Variants in EXTL3 observed in about 807,000 individuals in gnomAD.
EXTL3 encodes the protein exostosin-like 3.
EXTL3 carries 27 observed loss-of-function variants against 69.3 expected under a neutral mutation model. The observed-to-expected ratio is 0.39, with a 90% CI of 0.29 to 0.54. EXTL3 has a LOEUF of 0.54. Among genes scored for constraint, EXTL3 ranks in the 20% least tolerant of loss-of-function variants. EXTL3 has a pLI of 0.69. For missense variants in EXTL3, 1,003 were observed against 1,231.8 expected (o/e 0.81, Z 2.78); for synonymous variants, 511 against 499.4 (o/e 1.02, Z -0.31).
chr8:28,735,564 C>G (rs1034975717), intron 4 of EXTL3, among the ~76,000 whole-genome samples: 1 of 152,190 alleles, frequency 6.6e-6, no homozygotes, highest in Non-Finnish European at 1.5e-5. Context: ...TCATTGCTGT[C>G]TATACATCCT....
chr8:28,745,538 A>G (rs2130797359), intron 6 of EXTL3, among the ~76,000 whole-genome samples: 1 of 152,366 alleles, frequency 6.6e-6, no homozygotes, highest in East Asian at 1.9e-4. Context: ...GGTTTTAGAA[A>G]GCAATTAATG....
intron 3 of EXTL3, among the ~76,000 whole-genome samples, chr8:28,728,983 T>C (rs1189930448): frequency 6.6e-6 from 1 of 152,152 alleles, no homozygotes; most frequent in Non-Finnish European, 1.5e-5. Context: ...TGTTTTTTCT[T>C]GATGGTACAC....
intron 1 of EXTL3, among the ~76,000 whole-genome samples, chr8:28,662,606 A>G (rs1807133584): frequency 6.6e-6 from 1 of 152,164 alleles, no homozygotes; most frequent in African/African-American, 2.4e-5. Context: ...GACACTGCAG[A>G]GGAAACCTGT....
intron 1 of EXTL3, among the ~76,000 whole-genome samples, chr8:28,677,078 C>T (rs1807398990): frequency 6.6e-6 from 1 of 151,568 alleles, no homozygotes; most frequent in Admixed American, 6.6e-5. Context: ...GTTTATAGGT[C>T]GAGGTGAAGG....
intron 1 of EXTL3, among the ~76,000 whole-genome samples, chr8:28,642,501 C>T (rs571125641): frequency 1.1e-3 from 161 of 151,732 alleles, no homozygotes; most frequent in Non-Finnish European, 1.9e-3. Context: ...ACCTGTAATC[C>T]CAGCACTTTG....
upstream of EXTL3, among the ~76,000 whole-genome samples, chr8:28,619,266 TAA>T (rs755355444): frequency 1.2e-4 from 8 of 64,648 alleles, no homozygotes; most frequent in Non-Finnish European, 1.9e-4. Context: ...AGCTTAGTGA[TAA>T]AAAAAAAAAA....
chr8:28,741,369 T>G (rs992731778), intron 5 of EXTL3: 1 of 152,234 alleles, frequency 6.6e-6, no homozygotes, highest in South Asian at 2.1e-4. Context: ...CTCATCAGCA[T>G]ACGAAGGACA....
Position 28,716,411 on chromosome 8 carries a change from A to T in EXTL3, c.352A>T (p.Lys118Ter). Residue 118 changes from lysine to a stop codon, truncating the protein, a stop_gained, in exon 3 of 7, where the codon AAG becomes TAG. Coordinates refer to ENST00000220562, the MANE Select transcript of EXTL3 (RefSeq NM_001440.4). LOFTEE classifies it high-confidence loss of function. The surrounding 1 kb of genome is among the most constrained non-coding windows in gnomAD (Gnocchi z 7.1). ...GCTGAATCTGAAGATCGAAGCCTGT[A>T]AGAAGAGCATTGAGAACGCCAAGCA... is the stretch of plus-strand genomic sequence containing the variant. ...AKLNLKIEAC[K>*]KSIENAKQDL... The T allele has an allele frequency of 6.2e-7, 1 of 1,613,904 alleles. No individual in the cohort carries two copies. The highest frequency in any genetic ancestry group is 8.5e-7 in the Non-Finnish European group (1 of 1,179,982).
chr8:28,727,164 G>A (rs1463453427), intron 3 of EXTL3, among the ~76,000 whole-genome samples: 1 of 152,152 alleles, frequency 6.6e-6, no homozygotes, highest in African/African-American at 2.4e-5. Flanking sequence ...GGGATTACAG[G>A]TGTGAGCCAC....
intron 1 of EXTL3, among the ~76,000 whole-genome samples, chr8:28,665,156 C>G (rs537047435): frequency 6.9e-6 from 1 of 145,638 alleles, no homozygotes; most frequent in East Asian, 2.1e-4. Flanking sequence ...ACTGCAGGCT[C>G]CACCTCCCAG....
intron 3 of EXTL3, among the ~76,000 whole-genome samples, chr8:28,730,501 T>C (rs1801513989): frequency 6.6e-6 from 1 of 152,162 alleles, no homozygotes; most frequent in Non-Finnish European, 1.5e-5. Context: ...AACTGAGATA[T>C]GGTTAAATAA....
At chr8:28,720,768 C>T (rs937912767) in intron 3 of EXTL3, among the ~76,000 whole-genome samples, 7 of 152,066 alleles carry the variant, frequency 4.6e-5, no homozygotes, top group Non-Finnish European at 1.0e-4. Flanking sequence ...AACAGAGGGG[C>T]GATGGTGAGT....
chr8:28,639,555 T>C (rs985302230), intron 1 of EXTL3, among the ~76,000 whole-genome samples: 18 of 152,214 alleles, frequency 1.2e-4, no homozygotes, highest in Non-Finnish European at 2.4e-4. Context: ...CTGCGGCTCC[T>C]GCCTGCCCCT....
chr8:28,707,965 C>T (rs187250621), intron 1 of EXTL3, among the ~76,000 whole-genome samples: 7 of 152,306 alleles, frequency 4.6e-5, no homozygotes, highest in African/African-American at 1.7e-4. Context: ...AATCAATAGC[C>T]TCATTTTCCT....
At chr8:28,676,021 CAA>C (rs386412447) in intron 1 of EXTL3, among the ~76,000 whole-genome samples, 3 of 105,384 alleles carry the variant, frequency 2.8e-5, no homozygotes, top group Non-Finnish European at 3.6e-5. Context: ...GACTCCATCT[CAA>C]AAAAAAAAAA....
chr8:28,658,381 A>T (rs935472890), intron 1 of EXTL3, among the ~76,000 whole-genome samples: 2 of 152,112 alleles, frequency 1.3e-5, no homozygotes, highest in Non-Finnish European at 2.9e-5. Flanking sequence ...AATCCACTCC[A>T]GGTAATCAGC....
At position 28,623,462 on chromosome 8, in the gene EXTL3, C is replaced by T. The variant is rs997468617; in HGVS notation, c.-53+652C>T. Reference sequence around the variant, plus strand: ...AGATTGGAAGCCCGGGAATAGGGGGCGCTCGGAATGCTGAGTTTTGTTGGT... The same window carrying T: ...AGATTGGAAGCCCGGGAATAGGGGGTGCTCGGAATGCTGAGTTTTGTTGGT... On this transcript the variant is annotated intron_variant, in intron 1 of 6. Coordinates refer to the EXTL3 transcript ENST00000523149. The surrounding 1 kb of genome is among the most constrained non-coding windows in gnomAD (Gnocchi z 4.2). Among the ~76,000 whole-genome samples, 3 of 152,142 alleles carry T rather than the reference C, an allele frequency of 2.0e-5. No homozygotes were observed. The highest frequency in any genetic ancestry group is 7.2e-5 in the African/African-American group (3 of 41,426).
rs145090231 is a variant in EXTL3, at chr8:28,717,641, A to C, written c.1582A>C (p.Asn528His). ...TYFSTADSIF[N>H]TVLAMIRTRI... ...CTTCTCCACTGCTGACAGTATTTTT[A>C]ATACCGTGCTGGCTATGATTAGGAC... The change falls in exon 3 of 7, where the codon AAT becomes CAT. Residue 528 changes from asparagine (N) to histidine (H), a missense_variant. By Grantham distance (68) the Asn-to-His change is moderately conservative (BLOSUM62 1). Coordinates refer to ENST00000220562, the MANE Select transcript of EXTL3 (RefSeq NM_001440.4). The surrounding 1 kb of genome is among the most constrained non-coding windows in gnomAD (Gnocchi z 8.3). The C allele has an allele frequency of 2.8e-4, 459 of 1,614,030 alleles. No individual in the cohort carries two copies. The highest frequency in any genetic ancestry group is 3.7e-4 in the Non-Finnish European group (442 of 1,180,018).
chr8:28,663,517 T>TATTGGCTCACCGCAAC (rs1554549859), intron 1 of EXTL3, among the ~76,000 whole-genome samples: 1 of 152,124 alleles, frequency 6.6e-6, no homozygotes, highest in Non-Finnish European at 1.5e-5. Flanking sequence ...AGTGGCGTGA[T>TATTGGCTCACCGCAAC]CTTGGCTCAC....
Sources: allele counts gnomAD v4.1 joint callset (sites outside exome capture counted in the v4.1 genomes callset), GRCh38; gene constraint gnomAD v4.1.1; non-coding constraint Gnocchi (gnomAD v3.1); transcripts MANE v1.5; gene names NCBI Gene and HGNC (gene_info 2026-07-23, HGNC 2026-07-21).